Variants in TTC19 observed in about 807,000 individuals in gnomAD.
The protein encoded by TTC19 is tetratricopeptide repeat protein 19, mitochondrial.
TTC19 carries 38 observed loss-of-function variants against 49.5 expected under a neutral mutation model. The ratio of observed to expected loss-of-function variants is 0.77; its 90% confidence interval spans 0.59 to 1.01. The LOEUF is 1.01. Ranked by LOEUF, TTC19 falls within the 50% of genes least tolerant of loss-of-function variation. TTC19 has a pLI of 0.00. For synonymous variants in TTC19, 204 were observed against 185.2 expected (o/e 1.10, Z -0.83); for missense variants, 475 against 477.7 (o/e 0.99, Z 0.05).
chr17:16,025,230 G>A (rs1168404999), intron 8 of TTC19, 59 bp downstream of exon 8: 5 of 1,552,730 alleles, frequency 3.2e-6, no homozygotes, highest in African/African-American at 2.7e-5. Context: ...ATTGAAGGGT[G>A]TGAAATGTCA....
intron 7 of TTC19, among the ~76,000 whole-genome samples, chr17:16,021,295 G>A (rs1250449443): frequency 6.6e-6 from 1 of 152,214 alleles, no homozygotes; most frequent in Non-Finnish European, 1.5e-5. Context: ...GGCTGAGGCA[G>A]AAGAATCACT....
chr17:16,015,023 G>C (rs1971173538), intron 7 of TTC19, among the ~76,000 whole-genome samples: 1 of 152,106 alleles, frequency 6.6e-6, no homozygotes, highest in Non-Finnish European at 1.5e-5. Context: ...TATGTAACTT[G>C]CGTTTCTTAT....
chr17:16,044,699 A>G, exon 3 of TTC19: 1 of 692,918 alleles, frequency 1.4e-6, no homozygotes. Flanking sequence ...CACGGAGGAT[A>G]AGATCAATGC....
At chr17:16,006,596 C>A in intron 7 of TTC19, 28 bp downstream of exon 7, 1 of 1,385,090 alleles carries the variant, frequency 7.2e-7, no homozygotes, top group South Asian at 1.2e-5. Flanking sequence ...TGGGCATTGC[C>A]TTTTCTCCAC....
At position 16,004,240 on chromosome 17, in the gene TTC19, A is replaced by G. The variant is rs759750606; in HGVS notation, c.559A>G (p.Ser187Gly). The G allele has an allele frequency of 2.5e-6, 4 of 1,614,264 alleles. No homozygotes were observed. Among genetic ancestry groups the G allele is most frequent in the Non-Finnish European group, 3.4e-6 (4 of 1,180,038 alleles). The change falls in exon 6 of 10, where the codon AGT becomes GGT. Residue 187 changes from serine (S) to glycine (G), a missense_variant. Physicochemically the swap from Ser to Gly is moderately conservative, Grantham distance 56. Coordinates refer to ENST00000261647, the MANE Select transcript of TTC19 (RefSeq NM_017775.4). ...AIIEISLKLASIYAAQNRQEF... is the reference protein window; with the variant it reads ...AIIEISLKLAGIYAAQNRQEF... Reference sequence around the variant, plus strand: ...AATTGAAATTTCCCTAAAGCTGGCCAGTATCTATGCTGCGCAGAACAGGTA... The same window carrying G: ...AATTGAAATTTCCCTAAAGCTGGCCGGTATCTATGCTGCGCAGAACAGGTA...
At chr17:16,033,443 G>T (rs1972902778), downstream of TTC19, among the ~76,000 whole-genome samples, 4 of 151,560 alleles carry the variant, frequency 2.6e-5, no homozygotes, top group South Asian at 8.3e-4. Flanking sequence ...CTGAGAAGCA[G>T]CAACCACTGG....
chr17:16,044,689 C>T (rs2058365536), exon 3 of TTC19: 1 of 679,988 alleles, frequency 1.5e-6, no homozygotes, highest in Non-Finnish European at 2.8e-6. Flanking sequence ...AGGTGACCAT[C>T]ACGGAGGATA....
At chr17:16,021,582 T>C (rs766157668) in intron 7 of TTC19, among the ~76,000 whole-genome samples, 1 of 152,100 alleles carries the variant, frequency 6.6e-6, no homozygotes, top group Non-Finnish European at 1.5e-5. Context: ...AAGGCCTTGT[T>C]AGTATGAAAC....
At chr17:16,014,548 A>G (rs1260802396) in intron 7 of TTC19, among the ~76,000 whole-genome samples, 1 of 152,210 alleles carries the variant, frequency 6.6e-6, no homozygotes, top group African/African-American at 2.4e-5. Flanking sequence ...CAGATTTATA[A>G]TCATACATTC....
At chr17:16,035,585 C>T (rs1974269322) in intron 2 of TTC19, among the ~76,000 whole-genome samples, 1 of 148,440 alleles carries the variant, frequency 6.7e-6, no homozygotes, top group Admixed American at 6.7e-5. Flanking sequence ...GCCCAGGCTG[C>T]ACTGCAGTGG....
intron 7 of TTC19, among the ~76,000 whole-genome samples, chr17:16,016,552 A>ATTT (rs769994419): frequency 1.3e-3 from 124 of 94,018 alleles, no homozygotes; most frequent in African/African-American, 5.2e-3. Flanking sequence ...AGTTGTTCTA[A>ATTT]TTTTTTTTTT....
intron 2 of TTC19, chr17:16,000,577 G>A: frequency 2.7e-6 from 1 of 372,938 alleles, no homozygotes; most frequent in Non-Finnish European, 4.1e-6. Flanking sequence ...AATTTCGCAC[G>A]TATATAGCGG....
chr17:16,006,670 A>G lies in TTC19; in HGVS notation c.676+102A>G, dbSNP rs560805255. 3.7e-5 allele frequency: 31 copies of G among 828,298 alleles called. No individual in the cohort carries two copies. The East Asian group carries it at 7.1e-4, about 19-fold the overall frequency. 51.3% of individuals were successfully genotyped at this position (828,298 alleles called of 1,614,324 possible). A position where few individuals can be genotyped will look rare whatever the true frequency, so the allele number is the denominator to read the frequency against. On this transcript the variant is annotated intron_variant, in intron 7 of 9. Coordinates refer to ENST00000261647, the MANE Select transcript of TTC19 (RefSeq NM_017775.4). ...ATCTAAATTGGGAAGAGGGAAAGTT[A>G]CCTATTTTGCAAAATAAGTGTCTGT...
intron 6 of TTC19, among the ~76,000 whole-genome samples, chr17:16,005,108 C>T (rs1970861139): frequency 6.6e-6 from 1 of 152,188 alleles, no homozygotes. Flanking sequence ...TTGAGTAAGA[C>T]AAATTCATAG....
chr17:16,014,851 G>A (rs1419981289), intron 7 of TTC19, among the ~76,000 whole-genome samples: 3 of 152,090 alleles, frequency 2.0e-5, no homozygotes, highest in Non-Finnish European at 4.4e-5. Flanking sequence ...TGTACCTTCA[G>A]AACATCAAGC....
chr17:16,044,168 C>CAAAAAAAAAAAAAA (rs34691717), intron 2 of TTC19, among the ~76,000 whole-genome samples: 8 of 82,762 alleles, frequency 9.7e-5, no homozygotes, highest in East Asian at 4.3e-4. Context: ...GACTCCATCT[C>CAAAAAAAAAAAAAA]AAAAAAAAAA....
In TTC19 at chr17:16,000,116, A is replaced by T; in HGVS notation, c.185-2A>T. 1 of 1,548,956 alleles carries T rather than the reference A, an allele frequency of 6.5e-7. No homozygotes were observed. The highest frequency in any genetic ancestry group is 8.7e-7 in the Non-Finnish European group (1 of 1,155,306). ...CGATGACCTCAGAGCCCCTTCCCGC[A>T]GCGCTCGCCTGGTTCTCGAGGCCCG... On this transcript the variant is annotated splice_acceptor_variant, in intron 1 of 9. Transcript: ENST00000261647. LOFTEE classifies it high-confidence loss of function.
chr17:16,041,424 C>CTTTTTTTTTTTTTTTTTTTTTT (rs2057575771), intron 2 of TTC19, among the ~76,000 whole-genome samples: 1 of 46,244 alleles, frequency 2.2e-5, no homozygotes, highest in Non-Finnish European at 5.0e-5. Flanking sequence ...TTTTTTTTTC[C>CTTTTTTTTTTTTTTTTTTTTTT]TTTGAGATGG....
At chr17:16,044,680 G>A (rs2058362990) in exon 3 of TTC19, 3 of 671,594 alleles carry the variant, frequency 4.5e-6, no homozygotes, top group Non-Finnish European at 8.5e-6. Context: ...ATGACAATGA[G>A]GTGACCATCA....
Sources: allele counts gnomAD v4.1 joint callset (sites outside exome capture counted in the v4.1 genomes callset), GRCh38; gene constraint gnomAD v4.1.1; transcripts MANE v1.5; gene names NCBI Gene and HGNC (gene_info 2026-07-23, HGNC 2026-07-21).